Variants in CD163L1 observed in about 807,000 individuals in gnomAD.
CD163L1 encodes the protein CD163 molecule like 1, also known as scavenger receptor cysteine-rich type 1 protein M160.
Under a neutral mutation model 165.4 loss-of-function variants are expected in CD163L1, and 124 were observed. That is an observed-to-expected ratio of 0.75 (90% CI 0.65 to 0.87). The LOEUF is 0.87. Among genes scored for constraint, CD163L1 ranks in the 40% least tolerant of loss-of-function variants. The probability of loss-of-function intolerance (pLI) is 0.00; values close to 1 mark genes in which losing one functional copy is unlikely to be tolerated. For missense variants in CD163L1, 1,525 were observed against 1,799.9 expected (o/e 0.85, Z 2.76); for synonymous variants, 585 against 662.2 (o/e 0.88, Z 1.79).
At chr12:7,437,266 A>AT (rs59173245) in intron 2 of CD163L1, among the ~76,000 whole-genome samples, 19 of 128,798 alleles carry the variant, frequency 1.5e-4, no homozygotes, top group South Asian at 5.3e-4. Flanking sequence ...TAGTATTTAA[A>AT]AGTATTACTT....
At chr12:7,410,125 A>C (rs965788579) in intron 4 of CD163L1, among the ~76,000 whole-genome samples, 4 of 152,190 alleles carry the variant, frequency 2.6e-5, no homozygotes, top group Non-Finnish European at 5.9e-5. Context: ...TAGATTAACA[A>C]AATTCATCAA....
In CD163L1 at chr12:7,369,394, G is replaced by A. The variant is rs1414816310; in HGVS notation, c.4002C>T (p.Asp1334=). Residue 1334 remains aspartate (D), a synonymous_variant, in exon 15 of 20, where the codon GAC becomes GAT. Coordinates refer to ENST00000313599, the MANE Select transcript of CD163L1 (RefSeq NM_174941.6). This position sits in a 1 kb window ranked among gnomAD's most constrained non-coding sequence, Gnocchi z 4.9. ...DCHAKPWGQS[D]CGHKEDAGVR... is the part of the protein sequence containing the mutation. ...CGCCAGCATCTTCCTTGTGTCCACA[G>A]TCACTCTGTCCCCAGGGTTTGGCGT... 3.1e-6 allele frequency: 5 copies of A among 1,614,046 alleles called. No individual in the cohort carries two copies. In the Admixed American group the frequency reaches 5.0e-5, roughly 16 times the overall value.
intron 2 of CD163L1, among the ~76,000 whole-genome samples, chr12:7,440,489 A>G (rs2136654833): frequency 6.6e-6 from 1 of 151,984 alleles, no homozygotes; most frequent in South Asian, 2.1e-4. Flanking sequence ...TGTAACACAT[A>G]TATATTTTTA....
chr12:7,359,089 A>G (rs1946838634), intron 18 of CD163L1, among the ~76,000 whole-genome samples: 1 of 152,102 alleles, frequency 6.6e-6, no homozygotes, highest in Non-Finnish European at 1.5e-5. Context: ...CAGAATATCC[A>G]AAAATTGTGA....
chr12:7,330,862 C>T, the CD163L1 span, among the ~76,000 whole-genome samples: 12 of 152,142 alleles, frequency 7.9e-5, no homozygotes, highest in Non-Finnish European at 1.2e-4. Context: ...GCATGAGTGA[C>T]GCAGAAGACG....
chr12:7,442,223 A>G (rs920432594), intron 1 of CD163L1, among the ~76,000 whole-genome samples: 1 of 152,320 alleles, frequency 6.6e-6, no homozygotes, highest in East Asian at 1.9e-4. Context: ...TAGTATTTTC[A>G]TTAGTATCTT....
chr12:7,398,580 C>A lies in CD163L1; in HGVS notation c.1413G>T (p.Lys471Asn), dbSNP rs756950004. Residue 471 changes from lysine to asparagine, a missense_variant, in exon 7 of 20, where the codon AAG becomes AAT. Physicochemically the swap from Lys to Asn is moderately conservative, Grantham distance 94 (BLOSUM62 0). Coordinates refer to ENST00000313599, the MANE Select transcript of CD163L1 (RefSeq NM_174941.6). The surrounding 1 kb of genome is among the most constrained non-coding windows in gnomAD (Gnocchi z 4.5). ...CGACAAGCCTTAGGTCCAGATCTGCCTTATCTGCAAGCAAGACAAAACCAC... is the reference window on the plus strand; with the variant it reads ...CGACAAGCCTTAGGTCCAGATCTGCATTATCTGCAAGCAAGACAAAACCAC... ...RSDAGVICSDKADLDLRLVGA... is the reference protein window; with the variant it reads ...RSDAGVICSDNADLDLRLVGA... 59 of 1,555,838 alleles carry A rather than the reference C, an allele frequency of 3.8e-5. No homozygotes were observed. Among genetic ancestry groups the A allele is most frequent in the Middle Eastern group, 1.7e-4 (1 of 5,808 alleles).
chr12:7,337,821 A>G, the CD163L1 span, among the ~76,000 whole-genome samples: 30,739 of 152,152 alleles, frequency 0.2, 3,492 homozygotes, highest in South Asian at 0.3. Flanking sequence ...TATTGGGTGT[A>G]TACCCAAAGG....
intron 4 of CD163L1, among the ~76,000 whole-genome samples, chr12:7,407,812 C>T (rs1000512747): frequency 6.8e-6 from 1 of 147,120 alleles, no homozygotes; most frequent in African/African-American, 2.5e-5. Flanking sequence ...CACACAGACA[C>T]ACACACACAC....
At chr12:7,414,380 C>G (rs1380651676) in intron 4 of CD163L1, among the ~76,000 whole-genome samples, 2 of 151,758 alleles carry the variant, frequency 1.3e-5, no homozygotes, top group African/African-American at 4.8e-5. Flanking sequence ...AAGAAAGAAC[C>G]AATGAACTGA....
At chr12:7,416,583 A>G (rs202162240) in intron 4 of CD163L1, among the ~76,000 whole-genome samples, 1 of 152,034 alleles carries the variant, frequency 6.6e-6, no homozygotes, top group East Asian at 1.9e-4. Flanking sequence ...TCCATCTTGA[A>G]TTAATTTTTG....
chr12:7,342,366 C>T (rs192798622), downstream of CD163L1, among the ~76,000 whole-genome samples: 105 of 151,770 alleles, frequency 6.9e-4, 2 homozygotes, highest in Admixed American at 6.4e-3. Context: ...AAACCCATCC[C>T]TTTATTTTGG....
chr12:7,384,613 C>A (rs1448199300), intron 8 of CD163L1, among the ~76,000 whole-genome samples: 1 of 152,010 alleles, frequency 6.6e-6, no homozygotes, highest in Non-Finnish European at 1.5e-5. Context: ...CAGCAGAAAT[C>A]TTACAGGCCA....
intron 2 of CD163L1, among the ~76,000 whole-genome samples, chr12:7,436,180 T>A (rs2136640949): frequency 6.6e-6 from 1 of 152,310 alleles, no homozygotes; most frequent in East Asian, 1.9e-4. Context: ...GTTTCCTGGT[T>A]GAGGGATGGA....
the CD163L1 span, among the ~76,000 whole-genome samples, chr12:7,334,794 A>C: frequency 7.6e-3 from 1,160 of 152,302 alleles, 14 homozygotes; most frequent in African/African-American, 0.026. Flanking sequence ...TCAGCAAAGT[A>C]TCAGGATACA....
chr12:7,375,637 C>T (rs893446845), intron 10 of CD163L1, 42 bp from the exon 11 acceptor site: 4 of 1,609,912 alleles, frequency 2.5e-6, no homozygotes, highest in Non-Finnish European at 2.5e-6. Context: ...CATGACTTAT[C>T]AGCTCCAGCC....
chr12:7,357,364 A>G lies in CD163L1; in HGVS notation c.*24+16T>C, dbSNP rs1460233530. 4 of 1,546,930 alleles carry G rather than the reference A, an allele frequency of 2.6e-6. No individual in the cohort carries two copies. The highest frequency in any genetic ancestry group is 3.6e-6 in the Non-Finnish European group (4 of 1,119,754). On this transcript the variant is annotated intron_variant, in intron 19 of 19. Transcript: ENST00000313599. ...TAAATTACTAGTTTTAGTAGGAACA[A>G]TACTTCTCAACTTACCTGGTGAGCC...
At chr12:7,429,155 G>A (rs925234033) in intron 4 of CD163L1, among the ~76,000 whole-genome samples, 5 of 151,760 alleles carry the variant, frequency 3.3e-5, no homozygotes, top group Admixed American at 2.0e-4. Flanking sequence ...TCCTCATTTC[G>A]TCATAAAGTT....
In CD163L1 at chr12:7,368,119, C is replaced by T. The variant is rs374484836; in HGVS notation, c.4151G>A (p.Arg1384Gln). 1.8e-5 allele frequency: 29 copies of T among 1,611,472 alleles called. No homozygotes were observed. The highest frequency in any genetic ancestry group is 2.2e-5 in the East Asian group (1 of 44,862). Residue 1384 changes from arginine to glutamine, a missense_variant, in exon 17 of 20, where the codon CGA (arginine) becomes CAA (glutamine). Coordinates refer to ENST00000313599, the MANE Select transcript of CD163L1 (RefSeq NM_174941.6). This position sits in a 1 kb window ranked among gnomAD's most constrained non-coding sequence, Gnocchi z 4.3. ...VLFILFLTWC[R>Q]VQKQKHLPLR... ...GGGCAGATGTTTTTGTTTCTGAACT[C>T]GGCACCACGTGAGAAATAGAATAAA...
Sources: gnomAD v4.1 joint callset for allele counts (sites outside exome capture counted in the v4.1 genomes callset) on GRCh38, gnomAD v4.1.1 for gene constraint, Gnocchi (gnomAD v3.1) non-coding constraint, MANE v1.5 for transcripts, NCBI Gene and HGNC (gene_info 2026-07-23, HGNC 2026-07-21) for gene names.